Variants in LRRTM3 observed in about 807,000 individuals in gnomAD.
LRRTM3 encodes leucine rich repeat transmembrane neuronal 3, also known as leucine-rich repeat transmembrane neuronal protein 3.
LRRTM3 carries 24 observed loss-of-function variants against 44.7 expected under a neutral mutation model. The observed-to-expected ratio is 0.54, with a 90% CI of 0.39 to 0.76. LRRTM3 has a LOEUF of 0.76. LRRTM3 is among the 30% of genes least tolerant of loss of function. The pLI is 0.00. For synonymous variants in LRRTM3, 277 were observed against 278.7 expected, an observed-to-expected ratio of 0.99 and a Z score of 0.06; for missense variants, 587 against 702.2, an observed-to-expected ratio of 0.84 and a Z score of 1.85.
chr10:66,967,648 G>A (rs1464465720), intron 2 of LRRTM3, among the ~76,000 whole-genome samples: 3 of 151,900 alleles, frequency 2.0e-5, no homozygotes, highest in African/African-American at 7.3e-5. Flanking sequence ...AATAAAAACT[G>A]ACACATTTTC....
intron 2 of LRRTM3, among the ~76,000 whole-genome samples, chr10:67,084,815 A>G (rs1857216471): frequency 6.6e-6 from 1 of 152,038 alleles, no homozygotes; most frequent in Non-Finnish European, 1.5e-5. Context: ...ATTAAGGTTC[A>G]TCCTTTCCTT....
At chr10:67,071,253 AATTCCCTTTGGT>A (rs917458894) in intron 2 of LRRTM3, among the ~76,000 whole-genome samples, 201 of 151,442 alleles carry the variant, frequency 1.3e-3, no homozygotes, top group African/African-American at 4.6e-3. Context: ...TACTTACAAC[AATTCCCTTTGGT>A]ATTCCTTTTA....
intron 2 of LRRTM3, among the ~76,000 whole-genome samples, chr10:67,064,235 G>A (rs1855931838): frequency 6.6e-6 from 1 of 152,024 alleles, no homozygotes; most frequent in Admixed American, 6.5e-5. Flanking sequence ...ATGGTGTCCT[G>A]TAATCTCTGA....
At chr10:67,054,559 C>G (rs889272462) in intron 2 of LRRTM3, 1 of 152,122 alleles carries the variant, frequency 6.6e-6, no homozygotes, top group African/African-American at 2.4e-5. Context: ...CTTATTGGTT[C>G]CCTAATAGAA....
At chr10:66,937,617 T>G (rs1219792753) in intron 2 of LRRTM3, among the ~76,000 whole-genome samples, 1 of 151,998 alleles carries the variant, frequency 6.6e-6, no homozygotes, top group African/African-American at 2.4e-5. Flanking sequence ...TACTGAAGAG[T>G]GATGGTAGTA....
intron 2 of LRRTM3, among the ~76,000 whole-genome samples, chr10:66,984,533 A>T (rs1242269810): frequency 6.6e-6 from 1 of 152,192 alleles, no homozygotes; most frequent in African/African-American, 2.4e-5. Context: ...AACACAACAA[A>T]GCCATGAGGA....
intron 2 of LRRTM3, among the ~76,000 whole-genome samples, chr10:66,936,584 T>C (rs1391557914): frequency 1.3e-5 from 2 of 152,152 alleles, no homozygotes; most frequent in Admixed American, 1.3e-4. Context: ...CAAATGTTGA[T>C]CCTGTCAGAA....
chr10:67,098,297 C>G lies in LRRTM3; in HGVS notation c.*501C>G, dbSNP rs1261934024. 6.5e-6 allele frequency: 1 copy of G among 153,938 alleles called. No individual in the cohort carries two copies. The highest frequency in any genetic ancestry group is 2.4e-5 in the African/African-American group (1 of 41,354). The allele number at this position is 153,938 out of a possible 1,614,324, so 9.5% of individuals were successfully genotyped here. On this transcript the variant is annotated 3_prime_UTR_variant, in exon 3 of 3. Coordinates refer to ENST00000361320, the MANE Select transcript of LRRTM3 (RefSeq NM_178011.5). ...TGTTACTGCTTTTGTGCCCAGAAAC[C>G]TTGACTCTAAAATTCTGTGCTGTGC...
chr10:67,006,830 G>T (rs1027805502), intron 2 of LRRTM3, among the ~76,000 whole-genome samples: 1 of 151,220 alleles, frequency 6.6e-6, no homozygotes, highest in African/African-American at 2.4e-5. Context: ...GTCTCACTCT[G>T]TTGCCCAGGC....
At chr10:67,028,994 T>TC (rs1853562946) in intron 2 of LRRTM3, among the ~76,000 whole-genome samples, 1 of 152,152 alleles carries the variant, frequency 6.6e-6, no homozygotes, top group Non-Finnish European at 1.5e-5. Context: ...ATATCGCAAC[T>TC]CCCCACTAAG....
chr10:67,080,723 C>T (rs1442719273), intron 2 of LRRTM3, among the ~76,000 whole-genome samples: 1 of 151,944 alleles, frequency 6.6e-6, no homozygotes, highest in Non-Finnish European at 1.5e-5. Context: ...TCCTGGCTAA[C>T]ACAGTGAAAC....
At chr10:67,083,399 CAA>C (rs551683164) in intron 2 of LRRTM3, among the ~76,000 whole-genome samples, 1 of 142,340 alleles carries the variant, frequency 7.0e-6, no homozygotes. Context: ...TGTCTCAGTG[CAA>C]AAAAAAAAAG....
intron 2 of LRRTM3, among the ~76,000 whole-genome samples, chr10:66,960,055 C>A (rs1849031903): frequency 6.6e-6 from 1 of 151,796 alleles, no homozygotes; most frequent in Admixed American, 6.6e-5. Context: ...CCCATGTTGA[C>A]CCTCATAGCT....
intron 2 of LRRTM3, among the ~76,000 whole-genome samples, chr10:66,947,562 A>T (rs1262640366): frequency 3.3e-5 from 5 of 152,132 alleles, no homozygotes; most frequent in African/African-American, 4.8e-5. Flanking sequence ...CTGAAAATAT[A>T]AAAAAGCATC....
chr10:66,969,517 A>C (rs1408446813), intron 2 of LRRTM3, among the ~76,000 whole-genome samples: 1 of 152,174 alleles, frequency 6.6e-6, no homozygotes, highest in African/African-American at 2.4e-5. Flanking sequence ...TCCTCGGGAT[A>C]CATTTTTATA....
At chr10:66,973,430 A>C (rs559162857) in intron 2 of LRRTM3, among the ~76,000 whole-genome samples, 1 of 152,312 alleles carries the variant, frequency 6.6e-6, no homozygotes, top group East Asian at 1.9e-4. Context: ...TTGAACAATA[A>C]AGTATCTGTA....
intron 2 of LRRTM3, among the ~76,000 whole-genome samples, chr10:66,971,635 C>T (rs1284516534): frequency 1.3e-5 from 2 of 152,040 alleles, no homozygotes; most frequent in African/African-American, 4.8e-5. Flanking sequence ...TTAGAGTAAA[C>T]ACTCAATAAA....
chr10:67,019,926 T>A (rs1564836034), intron 2 of LRRTM3, among the ~76,000 whole-genome samples: 1 of 152,212 alleles, frequency 6.6e-6, no homozygotes, highest in African/African-American at 2.4e-5. Context: ...ATTAAATGCA[T>A]TTATGAAATA....
chr10:66,972,545 A>G (rs1849781738), intron 2 of LRRTM3, among the ~76,000 whole-genome samples: 1 of 152,072 alleles, frequency 6.6e-6, no homozygotes, highest in African/African-American at 2.4e-5. Context: ...AGAATAGTTA[A>G]CTTTGTCATT....
Sources: gnomAD v4.1 joint callset for allele counts (sites outside exome capture counted in the v4.1 genomes callset) on GRCh38, gnomAD v4.1.1 for gene constraint, MANE v1.5 for transcripts, NCBI Gene and HGNC (gene_info 2026-07-23, HGNC 2026-07-21) for gene names.